WDR70: variants seen among roughly 807,000 people sequenced by gnomAD.
WDR70 encodes WD repeat-containing protein 70.
WDR70 carries 53 observed loss-of-function variants against 88.6 expected under a neutral mutation model. The observed-to-expected ratio is 0.60, with a 90% CI of 0.48 to 0.75. The LOEUF (loss-of-function observed/expected upper bound fraction) is 0.75, where lower values mean the gene tolerates loss of function less well. WDR70 is among the 30% of genes least tolerant of loss of function. The pLI is 0.00. For synonymous variants in WDR70, 280 were observed against 270.0 expected, an observed-to-expected ratio of 1.04 and a Z score of -0.36; for missense variants, 610 against 823.2, an observed-to-expected ratio of 0.74 and a Z score of 3.17.
chr5:37,597,524 T>C (rs968181226), intron 9 of WDR70, among the ~76,000 whole-genome samples: 3 of 152,042 alleles, frequency 2.0e-5, no homozygotes, highest in Admixed American at 1.3e-4. Flanking sequence ...TCTTTTCCCA[T>C]TTTAAATATT....
intron 3 of WDR70, among the ~76,000 whole-genome samples, chr5:37,391,711 C>T (rs750266951): frequency 3.9e-5 from 6 of 152,308 alleles, no homozygotes; most frequent in African/African-American, 9.6e-5. Context: ...TTGTGAATGA[C>T]GTTCTTATGA....
chr5:37,500,627 G>A (rs1054512384), intron 8 of WDR70, among the ~76,000 whole-genome samples: 6 of 151,400 alleles, frequency 4.0e-5, no homozygotes, highest in African/African-American at 1.5e-4. Context: ...TGGCCATTCT[G>A]GCTGGACTAA....
Position 37,678,014 on chromosome 5 carries a change from T to G in WDR70, c.1093-19641T>G, listed in dbSNP as rs548933550. On this transcript the variant is annotated intron_variant, in intron 10 of 17. Transcript: ENST00000265107. ...CCTTCTTTGTCTCTTTTGATCTTTGTTGGTTTAATGTCTGTTTTATCAGAG... is the reference window on the plus strand; with the variant it reads ...CCTTCTTTGTCTCTTTTGATCTTTGGTGGTTTAATGTCTGTTTTATCAGAG... 1.4e-4 allele frequency among the ~76,000 whole-genome samples: 22 copies of G among 152,336 alleles called. No homozygotes were observed. The South Asian group carries it at 4.6e-3, about 32-fold the overall frequency.
At chr5:37,505,036 A>T (rs2112228758) in intron 8 of WDR70, among the ~76,000 whole-genome samples, 1 of 152,328 alleles carries the variant, frequency 6.6e-6, no homozygotes, top group South Asian at 2.1e-4. Context: ...TTGGTATTAC[A>T]TTTTAGATCA....
At chr5:37,668,830 T>G (rs1277201455) in intron 10 of WDR70, among the ~76,000 whole-genome samples, 1 of 152,234 alleles carries the variant, frequency 6.6e-6, no homozygotes, top group Non-Finnish European at 1.5e-5. Context: ...GAATGAAGGC[T>G]GGGTTATCTC....
At chr5:37,488,502 C>CT (rs113142236) in intron 8 of WDR70, among the ~76,000 whole-genome samples, 52,199 of 137,134 alleles carry the variant, frequency 0.38, 11,008 homozygotes, top group African/African-American at 0.52. Context: ...TTGTTCTTTA[C>CT]TTTTTTTTTT....
At chr5:37,746,762 T>C (rs1043739697) in intron 17 of WDR70, among the ~76,000 whole-genome samples, 3 of 152,164 alleles carry the variant, frequency 2.0e-5, no homozygotes, top group Admixed American at 6.5e-5. Flanking sequence ...AGTTCTGAAA[T>C]TGAGGCAGTA....
At chr5:37,674,486 C>G (rs1189988264) in intron 10 of WDR70, among the ~76,000 whole-genome samples, 2 of 151,942 alleles carry the variant, frequency 1.3e-5, no homozygotes, top group Non-Finnish European at 2.9e-5. Context: ...TGCGGTGTTT[C>G]ATTTTTTGTC....
chr5:37,673,631 A>G (rs1269280318), intron 10 of WDR70, among the ~76,000 whole-genome samples: 2 of 115,854 alleles, frequency 1.7e-5, no homozygotes, highest in Non-Finnish European at 3.2e-5. Flanking sequence ...TTTGAAGTTC[A>G]GGGGTACATG....
At chr5:37,440,087 T>C (rs1450776539) in intron 6 of WDR70, among the ~76,000 whole-genome samples, 1 of 152,208 alleles carries the variant, frequency 6.6e-6, no homozygotes, top group South Asian at 2.1e-4. Context: ...CAAATCAGTC[T>C]CTTAATGATG....
intron 7 of WDR70, among the ~76,000 whole-genome samples, chr5:37,455,459 C>CT (rs59836376): frequency 0.015 from 2,307 of 151,770 alleles, 51 homozygotes; most frequent in African/African-American, 0.053. Flanking sequence ...CCAGGCTGGT[C>CT]TTGAACTCCT....
chr5:37,435,506 A>G (rs1001659154), intron 5 of WDR70, among the ~76,000 whole-genome samples: 4 of 152,198 alleles, frequency 2.6e-5, no homozygotes, highest in Non-Finnish European at 4.4e-5. Context: ...TGAAAGAGGT[A>G]TGTGCAGCAC....
intron 5 of WDR70, among the ~76,000 whole-genome samples, chr5:37,431,962 G>A (rs1288078443): frequency 6.6e-6 from 1 of 152,144 alleles, no homozygotes; most frequent in Non-Finnish European, 1.5e-5. Flanking sequence ...TCCATCAGTG[G>A]ATACTTGGGT....
intron 7 of WDR70, among the ~76,000 whole-genome samples, chr5:37,467,880 A>G (rs1204566345): frequency 2.0e-5 from 3 of 151,738 alleles, no homozygotes; most frequent in Admixed American, 2.0e-4. Flanking sequence ...GCGCCCAGCT[A>G]ATTTTTTGTA....
At chr5:37,661,759 C>T (rs4869540) in intron 10 of WDR70, among the ~76,000 whole-genome samples, 1 of 152,098 alleles carries the variant, frequency 6.6e-6, no homozygotes, top group Non-Finnish European at 1.5e-5. Context: ...GTTAGCTGAT[C>T]CATCAAGTGC....
chr5:37,708,102 C>T (rs999922531), intron 13 of WDR70, among the ~76,000 whole-genome samples: 30 of 148,286 alleles, frequency 2.0e-4, no homozygotes, highest in Non-Finnish European at 3.0e-4. Flanking sequence ...TTCTTTGGGA[C>T]GTTTTTTAAA....
chr5:37,630,015 A>G (rs1744768304), intron 10 of WDR70, among the ~76,000 whole-genome samples: 1 of 152,176 alleles, frequency 6.6e-6, no homozygotes, highest in Non-Finnish European at 1.5e-5. Context: ...TGTAGTTGTC[A>G]TAAAATTTCT....
At chr5:37,518,680 C>CTTT (rs35818980) in intron 9 of WDR70, among the ~76,000 whole-genome samples, 1 of 123,732 alleles carries the variant, frequency 8.1e-6, no homozygotes, top group Non-Finnish European at 1.7e-5. Context: ...GCACAGATAT[C>CTTT]TTTTTTTTTT....
intron 10 of WDR70, among the ~76,000 whole-genome samples, chr5:37,632,272 T>A (rs1744839116): frequency 6.6e-6 from 1 of 152,216 alleles, no homozygotes; most frequent in South Asian, 2.1e-4. Context: ...AAATACTTGA[T>A]AATAAATGAC....
Sources: gnomAD v4.1 joint callset for allele counts (sites outside exome capture counted in the v4.1 genomes callset) on GRCh38, gnomAD v4.1.1 for gene constraint, MANE v1.5 for transcripts, NCBI Gene and HGNC (gene_info 2026-07-23, HGNC 2026-07-21) for gene names.